Variants in KIF17 observed in about 807,000 individuals in gnomAD.
KIF17 encodes the protein kinesin-like protein KIF17.
Under a neutral mutation model 96.8 loss-of-function variants are expected in KIF17, and 80 were observed. The ratio of observed to expected loss-of-function variants is 0.83; its 90% CI spans 0.69 to 1.00. The LOEUF (loss-of-function observed/expected upper bound fraction) is 1.00, where lower values mean the gene tolerates loss of function less well. Ranked by LOEUF, KIF17 falls within the 50% of genes least tolerant of loss-of-function variation. KIF17 has a pLI of 0.00. For missense variants in KIF17, 1,280 were observed against 1,372.9 expected (o/e 0.93, Z 1.07); for synonymous variants, 567 against 587.5 (o/e 0.97, Z 0.51).
rs1250540570 is a variant in KIF17 at position 20,712,791 on chromosome 1, TATAA to T, written c.480+659_480+662del. The stretch of plus-strand genomic sequence containing the variant: ...ATATATAATATAGATAATATCTATA[TATAA>T]ATAGATAATATCTATATATATAATA... On this transcript the variant is annotated intron_variant, in intron 3 of 14. Coordinates refer to ENST00000400463, the MANE Select transcript of KIF17 (RefSeq NM_001122819.3). Among the ~76,000 whole-genome samples the T allele has an allele frequency of 1.8e-4, 8 of 43,978 alleles. 1 individual carries two copies. In the South Asian group the frequency reaches 2.1e-3, roughly 12 times the overall value. 28.9% of individuals were successfully genotyped at this position (43,978 alleles called of 152,430 possible). A position where few individuals can be genotyped will look rare whatever the true frequency, so the allele number is the denominator to read the frequency against.
At chr1:20,712,976 T>C (rs947324247) in intron 3 of KIF17, among the ~76,000 whole-genome samples, 5 of 138,192 alleles carry the variant, frequency 3.6e-5, no homozygotes, top group African/African-American at 1.3e-4. Flanking sequence ...ATATTATCTA[T>C]ATATAGATAC....
Position 20,685,896 on chromosome 1 carries a change from A to C in KIF17, c.2019+150T>G. 1.4e-6 allele frequency: 1 copy of C among 709,360 alleles called. No homozygotes were observed. Among genetic ancestry groups the C allele is most frequent in the Non-Finnish European group, 2.5e-6 (1 of 400,624 alleles). The allele number at this position is 709,360 out of a possible 1,614,324, so 43.9% of individuals were successfully genotyped here. A position where few individuals can be genotyped will look rare whatever the true frequency, so the allele number is the denominator to read the frequency against. ...TCCTCCCACTGCACACTGCCTGGCC[A>C]CGGGCCACAAGCCCGGGGAAGGCTG... On this transcript the variant is annotated intron_variant, in intron 9 of 14. Transcript: ENST00000400463. This position sits in a 1 kb window ranked among gnomAD's most constrained non-coding sequence, Gnocchi z 4.1.
chr1:20,692,581 G>A (rs903571858), intron 6 of KIF17, among the ~76,000 whole-genome samples: 3 of 151,938 alleles, frequency 2.0e-5, no homozygotes, highest in East Asian at 1.9e-4. Flanking sequence ...GATTAGAGGC[G>A]TGAGCCACTG....
chr1:20,706,979 C>T (rs902982496), intron 4 of KIF17, among the ~76,000 whole-genome samples: 1 of 151,814 alleles, frequency 6.6e-6, no homozygotes, highest in Non-Finnish European at 1.5e-5. Flanking sequence ...GCCTGTTGTC[C>T]CAGCTACTCA....
At position 20,664,150 on chromosome 1, in the gene KIF17, G is replaced by A. The variant is rs746601433; in HGVS notation, c.*434C>T. The A allele has an allele frequency of 9.6e-6, 3 of 311,758 alleles. No homozygotes were observed. The highest frequency in any genetic ancestry group is 1.8e-5 in the Non-Finnish European group (3 of 164,370). The allele number at this position is 311,758 out of a possible 1,614,324, so 19.3% of individuals were successfully genotyped here. ...CCCCATGGGGCAGGGCAGTGCTTAG[G>A]AAGTGGGGCCAGTCAGACAGAGGCA... On this transcript the variant is annotated 3_prime_UTR_variant, in exon 15 of 15. Coordinates refer to ENST00000400463, the MANE Select transcript of KIF17 (RefSeq NM_001122819.3).
At chr1:20,668,010 C>CA (rs796242617) in intron 13 of KIF17, among the ~76,000 whole-genome samples, 221 of 119,198 alleles carry the variant, frequency 1.9e-3, no homozygotes, top group Middle Eastern at 6.9e-3. Flanking sequence ...AACTCTGTCT[C>CA]AAAAAAAAAA....
At chr1:20,683,393 G>A (rs889240432) in intron 10 of KIF17, among the ~76,000 whole-genome samples, 9 of 152,188 alleles carry the variant, frequency 5.9e-5, no homozygotes, top group Admixed American at 3.9e-4. Context: ...AGTGGCTCAC[G>A]CCTGTAATCC....
intron 10 of KIF17, 103 bp from the exon 11 acceptor site, chr1:20,682,987 C>T: frequency 1.1e-6 from 1 of 952,090 alleles, no homozygotes; most frequent in African/African-American, 1.6e-5. Context: ...CAGATCCTTC[C>T]AACAACCCCA....
intron 3 of KIF17, among the ~76,000 whole-genome samples, chr1:20,712,717 A>ATATAGATAAT (rs1557606643): frequency 3.4e-5 from 1 of 29,344 alleles, no homozygotes; most frequent in African/African-American, 1.2e-4. Flanking sequence ...CTATATATAA[A>ATATAGATAAT]ATTATATTAT....
At chr1:20,712,986 C>A (rs1417434404) in intron 3 of KIF17, among the ~76,000 whole-genome samples, 7 of 134,806 alleles carry the variant, frequency 5.2e-5, no homozygotes, top group South Asian at 4.4e-4. Context: ...TATATAGATA[C>A]TATATATAAT....
In KIF17 at chr1:20,685,086, G is replaced by A; in HGVS notation, c.2020-66C>T. On this transcript the variant is annotated intron_variant, in intron 9 of 14. Coordinates refer to ENST00000400463, the MANE Select transcript of KIF17 (RefSeq NM_001122819.3). The surrounding 1 kb of genome is among the most constrained non-coding windows in gnomAD (Gnocchi z 4.1). Reference sequence around the variant, plus strand: ...CCCCAACCCCCGCCGACAGCTCCCAGGTGGCTCAATCCCAGACGGGGCCAT... The same window carrying A: ...CCCCAACCCCCGCCGACAGCTCCCAAGTGGCTCAATCCCAGACGGGGCCAT... The A allele has an allele frequency of 7.4e-7, 1 of 1,359,034 alleles. No individual in the cohort carries two copies. Among genetic ancestry groups the A allele is most frequent in the Non-Finnish European group, 1.0e-6 (1 of 971,880 alleles). 84.2% of individuals were successfully genotyped at this position (1,359,034 alleles called of 1,614,324 possible).
chr1:20,686,019 C>G (rs756142364), intron 9 of KIF17, 27 bp downstream of exon 9: 2 of 1,539,644 alleles, frequency 1.3e-6, no homozygotes, highest in Admixed American at 2.0e-5. Flanking sequence ...CCCCGTCCCC[C>G]ACATGGAGGC....
At chr1:20,716,709 A>G (rs181974478) in intron 1 of KIF17, among the ~76,000 whole-genome samples, 1 of 152,338 alleles carries the variant, frequency 6.6e-6, no homozygotes, top group African/African-American at 2.4e-5. Context: ...CCTGGAAGGA[A>G]GAGAGGAGGC....
In KIF17 at chr1:20,685,059, C is replaced by T. The variant is rs2296224; in HGVS notation, c.2020-39G>A. On this transcript the variant is annotated intron_variant, in intron 9 of 14. Coordinates refer to ENST00000400463, the MANE Select transcript of KIF17 (RefSeq NM_001122819.3). This position sits in a 1 kb window ranked among gnomAD's most constrained non-coding sequence, Gnocchi z 4.1. ...GAAACCCAGGTGGAGGTGGGAAGGC[C>T]GCCCCAACCCCCGCCGACAGCTCCC... 13,045 of 1,513,474 alleles carry T rather than the reference C, an allele frequency of 8.6e-3. 83 individuals carry two copies. The highest frequency in any genetic ancestry group is 0.034 in the East Asian group (1,392 of 40,964). 93.8% of individuals were successfully genotyped at this position (1,513,474 alleles called of 1,614,324 possible).
intron 6 of KIF17, among the ~76,000 whole-genome samples, chr1:20,696,309 G>A (rs1037441827): frequency 1.3e-5 from 2 of 152,150 alleles, no homozygotes; most frequent in African/African-American, 2.4e-5. Flanking sequence ...CAATAAATAT[G>A]AGAGTTGAGA....
chr1:20,704,345 C>G lies in KIF17; in HGVS notation c.1123+102G>C. ...GGCTGAGGGGTGGGAGGATGCTGCT[C>G]CCACTGTCTTTTAGGTGGGAAGTTG... On this transcript the variant is annotated intron_variant, in intron 5 of 14. Coordinates refer to ENST00000400463, the MANE Select transcript of KIF17 (RefSeq NM_001122819.3). The surrounding 1 kb of genome is among the most constrained non-coding windows in gnomAD (Gnocchi z 6.8). The G allele has an allele frequency of 1.0e-6, 1 of 967,950 alleles. No individual in the cohort carries two copies. Among genetic ancestry groups the G allele is most frequent in the South Asian group, 1.4e-5 (1 of 72,178 alleles). The allele number at this position is 967,950 out of a possible 1,614,324, so 60.0% of individuals were successfully genotyped here.
chr1:20,675,990 A>C (rs1206760971), intron 11 of KIF17, among the ~76,000 whole-genome samples: 1 of 152,172 alleles, frequency 6.6e-6, no homozygotes, highest in Non-Finnish European at 1.5e-5. Context: ...CAGTGAGCGG[A>C]AATTGTGCCA....
At chr1:20,665,822 A>G (rs922464901) in intron 14 of KIF17, among the ~76,000 whole-genome samples, 4 of 152,214 alleles carry the variant, frequency 2.6e-5, no homozygotes, top group African/African-American at 9.7e-5. Flanking sequence ...GTGGCCCTTG[A>G]TAAGTGAAGT....
Position 20,664,258 on chromosome 1 carries a change from A to G in KIF17, c.*326T>C. Reference sequence around the variant, plus strand: ...TCAGGGCTGGTGAAGGCCGTGAAGCAGGTCTCAGGCTTTGAGGCAAAGACC... The same window carrying G: ...TCAGGGCTGGTGAAGGCCGTGAAGCGGGTCTCAGGCTTTGAGGCAAAGACC... On this transcript the variant is annotated 3_prime_UTR_variant, in exon 15 of 15. Coordinates refer to ENST00000400463, the MANE Select transcript of KIF17 (RefSeq NM_001122819.3). The G allele has an allele frequency of 9.2e-7, 1 of 1,081,984 alleles. No individual in the cohort carries two copies. Among genetic ancestry groups the G allele is most frequent in the Non-Finnish European group, 1.2e-6 (1 of 826,358 alleles). 67.0% of individuals were successfully genotyped at this position (1,081,984 alleles called of 1,614,324 possible).
Sources: gnomAD v4.1 joint callset for allele counts (sites outside exome capture counted in the v4.1 genomes callset) on GRCh38, gnomAD v4.1.1 for gene constraint, Gnocchi (gnomAD v3.1) non-coding constraint, MANE v1.5 for transcripts, NCBI Gene and HGNC (gene_info 2026-07-23, HGNC 2026-07-21) for gene names.